The following HECW1 variants were observed in gnomAD, a reference collection of about 807,000 sequenced individuals.
HECW1 encodes the protein E3 ubiquitin-protein ligase HECW1.
HECW1 carries 61 observed loss-of-function variants against 182.3 expected under a neutral mutation model. That is an observed-to-expected ratio of 0.33 (90% CI 0.27 to 0.41). The LOEUF is 0.41. HECW1 is among the 10% of genes least tolerant of loss of function. The probability of loss-of-function intolerance (pLI) is 1.00; values close to 1 mark genes in which losing one functional copy is unlikely to be tolerated. For missense variants in HECW1, 1,739 were observed against 2,108.9 expected, an observed-to-expected ratio of 0.82 and a Z score of 3.44; for synonymous variants, 859 against 832.6, an observed-to-expected ratio of 1.03 and a Z score of -0.55.
intron 24 of HECW1, among the ~76,000 whole-genome samples, chr7:43,520,473 T>C (rs770291886): frequency 7.9e-5 from 12 of 152,116 alleles, no homozygotes; most frequent in Non-Finnish European, 1.5e-4. Context: ...ATGTGCGCGA[T>C]TGTTTCTTCT....
chr7:43,407,701 C>T lies in HECW1; in HGVS notation c.771C>T (p.Gly257=). ...HGQERRSKII[G]NTVNPIWQAE... is the part of the protein sequence containing the mutation. Reference sequence around the variant, plus strand: ...AGGAGAGGAGATCCAAGATCATAGGCAACACCGTGAACCCCATCTGGCAGG... The same window carrying T: ...AGGAGAGGAGATCCAAGATCATAGGTAACACCGTGAACCCCATCTGGCAGG... The change falls in exon 8 of 30, where the codon GGC becomes GGT. Residue 257 remains glycine, a synonymous_variant. Transcript: ENST00000395891. 1.2e-6 allele frequency: 2 copies of T among 1,613,874 alleles called. No homozygotes were observed. Among genetic ancestry groups the T allele is most frequent in the Non-Finnish European group, 1.7e-6 (2 of 1,179,896 alleles).
chr7:43,458,449 C>T (rs945468811), intron 13 of HECW1, among the ~76,000 whole-genome samples: 2 of 152,136 alleles, frequency 1.3e-5, no homozygotes, highest in African/African-American at 4.8e-5. Flanking sequence ...AGTTTTATAG[C>T]CTTTGATATA....
In HECW1 at chr7:43,508,078, G is replaced by A. The variant is rs370521844; in HGVS notation, c.3813G>A (p.Ser1271=). Residue 1271 remains serine (S), a synonymous_variant, in exon 23 of 30, where the codon TCG becomes TCA. Coordinates refer to ENST00000395891, the MANE Select transcript of HECW1 (RefSeq NM_015052.5). ...CCTTCAATCAGGTGATGGCCTATTC[G>A]CGGAAAGAGCTCCAGCGAAACAAGC... The part of the protein sequence containing the change: ...EGTFNQVMAY[S]RKELQRNKLY... The A allele has an allele frequency of 1.8e-4, 285 of 1,614,014 alleles. No homozygotes were observed. The African/African-American group carries it at 2.2e-3, about 13-fold the overall frequency.
intron 3 of HECW1, among the ~76,000 whole-genome samples, chr7:43,304,594 G>A (rs1310853537): frequency 1.3e-5 from 2 of 152,072 alleles, no homozygotes; most frequent in East Asian, 1.9e-4. Flanking sequence ...TGGTTCAAGC[G>A]ATTCTCCTGA....
intron 3 of HECW1, among the ~76,000 whole-genome samples, chr7:43,301,611 T>G (rs1371982096): frequency 6.6e-6 from 1 of 152,208 alleles, no homozygotes; most frequent in Non-Finnish European, 1.5e-5. Context: ...ATGCAGTGGC[T>G]CACGCCTGTA....
rs770095960 is a variant in HECW1 at position 43,144,704 on chromosome 7, C to A, written c.-32+30313C>A. Reference sequence around the variant, plus strand: ...GTCTGTTGCTTTATTTTCTAGAGCACTTTCTTATTTCCTGGCACTACAAAA... The same window carrying A: ...GTCTGTTGCTTTATTTTCTAGAGCAATTTCTTATTTCCTGGCACTACAAAA... On this transcript the variant is annotated intron_variant, in intron 2 of 29. Transcript: ENST00000395891. Among the ~76,000 whole-genome samples, 3 of 152,042 alleles carry A rather than the reference C, an allele frequency of 2.0e-5. No homozygotes were observed. In the South Asian group the frequency reaches 6.2e-4, roughly 32 times the overall value.
intron 13 of HECW1, among the ~76,000 whole-genome samples, chr7:43,456,859 G>A (rs55893602): frequency 0.16 from 24,888 of 152,056 alleles, 2,560 homozygotes; most frequent in South Asian, 0.22. Context: ...TTCTCAAAAG[G>A]ATAGAGACCT....
chr7:43,241,345 G>T (rs1414399296), intron 2 of HECW1: 5 of 152,114 alleles, frequency 3.3e-5, no homozygotes, highest in Non-Finnish European at 1.5e-5. Flanking sequence ...GGTTCTCTTT[G>T]GTGGGGTGGG....
At chr7:43,328,716 T>C (rs369043163) in intron 5 of HECW1, among the ~76,000 whole-genome samples, 3 of 152,176 alleles carry the variant, frequency 2.0e-5, no homozygotes, top group South Asian at 2.1e-4. Flanking sequence ...CAGAAAGATA[T>C]AACCGGAACA....
At chr7:43,141,172 C>T (rs1009314458) in intron 2 of HECW1, among the ~76,000 whole-genome samples, 1 of 152,130 alleles carries the variant, frequency 6.6e-6, no homozygotes, top group Admixed American at 6.5e-5. Flanking sequence ...TTCTCACTAC[C>T]CACTCCTGAC....
At chr7:43,544,739 A>C (rs764625976) in intron 26 of HECW1, among the ~76,000 whole-genome samples, 2 of 152,208 alleles carry the variant, frequency 1.3e-5, no homozygotes, top group Non-Finnish European at 2.9e-5. Context: ...TAAATAAATG[A>C]TACATTTACT....
chr7:43,500,549 G>A (rs1459813903), intron 19 of HECW1, 150 bp from the exon 20 acceptor site: 6 of 650,956 alleles, frequency 9.2e-6, no homozygotes, highest in African/African-American at 1.8e-5. Flanking sequence ...GAGAGCCTGT[G>A]ATACAAACTT....
At chr7:43,117,460 C>T (rs146856390) in intron 2 of HECW1, among the ~76,000 whole-genome samples, 1 of 150,924 alleles carries the variant, frequency 6.6e-6, no homozygotes, top group Non-Finnish European at 1.5e-5. Flanking sequence ...GTCAGAGCTT[C>T]ACAACCTCCT....
At chr7:43,192,758 TA>T (rs1794048755) in intron 2 of HECW1, among the ~76,000 whole-genome samples, 1 of 152,214 alleles carries the variant, frequency 6.6e-6, no homozygotes. Context: ...CCCCATCTGT[TA>T]AGGTTGTACA....
Position 43,243,502 on chromosome 7 carries a change from G to A in HECW1, c.-31-373G>A, listed in dbSNP as rs1799074525. The stretch of plus-strand genomic sequence containing the variant: ...AGGGAGCTTCAGGAGTGGATCATAT[G>A]TGAGGATGCTTTTCGCTGGCCTTCT... On this transcript the variant is annotated intron_variant, in intron 2 of 29. Coordinates refer to ENST00000395891, the MANE Select transcript of HECW1 (RefSeq NM_015052.5). This position sits in a 1 kb window ranked among gnomAD's most constrained non-coding sequence, Gnocchi z 4.0. Among the ~76,000 whole-genome samples the A allele has an allele frequency of 6.6e-6, 1 of 152,106 alleles. No individual in the cohort carries two copies. Among genetic ancestry groups the A allele is most frequent in the Admixed American group, 6.5e-5 (1 of 15,274 alleles).
chr7:43,206,372 G>T (rs1045446048), intron 2 of HECW1, among the ~76,000 whole-genome samples: 3 of 152,138 alleles, frequency 2.0e-5, no homozygotes, highest in Non-Finnish European at 4.4e-5. Context: ...GCGAAGGTAA[G>T]GGTTGGCCAA....
intron 3 of HECW1, among the ~76,000 whole-genome samples, chr7:43,274,891 T>C (rs1227435770): frequency 6.6e-6 from 1 of 152,194 alleles, no homozygotes; most frequent in Non-Finnish European, 1.5e-5. Context: ...AAAAGTACTG[T>C]CATTTTGCCT....
chr7:43,162,029 G>A (rs932631132), intron 2 of HECW1, among the ~76,000 whole-genome samples: 2 of 152,048 alleles, frequency 1.3e-5, no homozygotes, highest in African/African-American at 4.8e-5. Context: ...ATAACTGGTG[G>A]AAGGAAAAAA....
intron 2 of HECW1, among the ~76,000 whole-genome samples, chr7:43,140,471 T>C (rs1201766912): frequency 1.3e-5 from 2 of 152,220 alleles, no homozygotes; most frequent in Non-Finnish European, 2.9e-5. Context: ...GCTGAAGTAA[T>C]GCTGTTCCGT....
Sources: allele counts gnomAD v4.1 joint callset (sites outside exome capture counted in the v4.1 genomes callset), GRCh38; gene constraint gnomAD v4.1.1; non-coding constraint Gnocchi (gnomAD v3.1); transcripts MANE v1.5; gene names NCBI Gene and HGNC (gene_info 2026-07-23, HGNC 2026-07-21).